The following CRISPLD2 variants were observed in gnomAD, a reference collection of about 807,000 sequenced individuals.
The protein encoded by CRISPLD2 is cysteine-rich secretory protein LCCL domain-containing 2.
CRISPLD2 carries 47 observed loss-of-function variants against 71.1 expected under a neutral mutation model. That is an observed-to-expected ratio of 0.66 (90% CI 0.52 to 0.84). The LOEUF (loss-of-function observed/expected upper bound fraction) is 0.84, where lower values mean the gene tolerates loss of function less well. Among genes scored for constraint, CRISPLD2 ranks in the 40% least tolerant of loss-of-function variants. The pLI, the probability that CRISPLD2 is intolerant of heterozygous loss-of-function variation, is 0.00. For missense variants in CRISPLD2, 830 were observed against 651.1 expected, an observed-to-expected ratio of 1.27 and a Z score of -2.99; for synonymous variants, 317 against 250.1, an observed-to-expected ratio of 1.27 and a Z score of -2.52.
At chr16:84,825,209 C>T (rs985057656) in intron 1 of CRISPLD2, among the ~76,000 whole-genome samples, 3 of 151,710 alleles carry the variant, frequency 2.0e-5, no homozygotes, top group African/African-American at 7.3e-5. Context: ...AATGCTGGAT[C>T]AAGGTCGGGG....
In CRISPLD2 at chr16:84,906,873, T is replaced by G. The variant is rs1874008; in HGVS notation, c.*231T>G. The G allele has an allele frequency of 6.6e-6, 4 of 607,608 alleles. No individual in the cohort carries two copies. Among genetic ancestry groups the G allele is most frequent in the African/African-American group, 1.8e-5 (1 of 54,134 alleles). The allele number at this position is 607,608 out of a possible 1,614,324, so 37.6% of individuals were successfully genotyped here. ...CCTGGTGCCTGATCCTGCTGGGGCCTGGGGGTCTCCATCTGGACGTCCTCT... is the reference window on the plus strand; with the variant it reads ...CCTGGTGCCTGATCCTGCTGGGGCCGGGGGGTCTCCATCTGGACGTCCTCT... On this transcript the variant is annotated 3_prime_UTR_variant, in exon 15 of 15. Coordinates refer to ENST00000262424, the MANE Select transcript of CRISPLD2 (RefSeq NM_031476.4).
chr16:84,908,302 G>C lies in CRISPLD2; in HGVS notation c.*1660G>C, dbSNP rs527730594. On this transcript the variant is annotated 3_prime_UTR_variant, in exon 15 of 15. Coordinates refer to ENST00000262424, the MANE Select transcript of CRISPLD2 (RefSeq NM_031476.4). ...GTGCTTTGTGCATTGTAGTCTAGTC[G>C]TAATTCATAGGTACTGACTCCTCAG... 6.6e-6 allele frequency: 1 copy of C among 152,192 alleles called. No individual in the cohort carries two copies. Among genetic ancestry groups the C allele is most frequent in the Non-Finnish European group, 1.5e-5 (1 of 68,028 alleles). The allele number at this position is 152,192 out of a possible 1,614,324, so 9.4% of individuals were successfully genotyped here. A position where few individuals can be genotyped will look rare whatever the true frequency, so the allele number is the denominator to read the frequency against.
chr16:84,860,690 A>C (rs1480757312), intron 6 of CRISPLD2, among the ~76,000 whole-genome samples: 8 of 152,174 alleles, frequency 5.3e-5, no homozygotes, highest in African/African-American at 1.9e-4. Context: ...CAGTGTCCCT[A>C]GCTTCAGCAG....
chr16:84,878,038 GTC>G (rs1297651343), intron 12 of CRISPLD2, among the ~76,000 whole-genome samples: 2 of 138,102 alleles, frequency 1.4e-5, no homozygotes, highest in African/African-American at 5.6e-5. Context: ...GTGAAACCCC[GTC>G]TCTACTAAAA....
At chr16:84,862,391 G>T (rs980084801) in intron 6 of CRISPLD2, among the ~76,000 whole-genome samples, 4 of 151,998 alleles carry the variant, frequency 2.6e-5, no homozygotes, top group African/African-American at 9.7e-5. Context: ...GTAGAGACGG[G>T]ATCTCACTAT....
At chr16:84,892,499 T>G (rs895397396) in intron 14 of CRISPLD2, among the ~76,000 whole-genome samples, 3 of 152,130 alleles carry the variant, frequency 2.0e-5, no homozygotes, top group African/African-American at 7.2e-5. Flanking sequence ...TAGAGGGATT[T>G]TCAGTGACCC....
intron 14 of CRISPLD2, among the ~76,000 whole-genome samples, chr16:84,896,169 C>G (rs1390399037): frequency 6.6e-6 from 1 of 151,826 alleles, no homozygotes; most frequent in Non-Finnish European, 1.5e-5. Flanking sequence ...TCCCAGGTAG[C>G]TGGGATTACA....
At chr16:84,863,608 C>A (rs1445268084) in intron 6 of CRISPLD2, among the ~76,000 whole-genome samples, 1 of 152,240 alleles carries the variant, frequency 6.6e-6, no homozygotes, top group East Asian at 1.9e-4. Flanking sequence ...CCTCTCTGAG[C>A]CTTCTTCCTC....
intron 6 of CRISPLD2, among the ~76,000 whole-genome samples, chr16:84,861,845 G>A (rs569597148): frequency 6.0e-4 from 91 of 152,256 alleles, no homozygotes; most frequent in African/African-American, 2.1e-3. Context: ...TGGGAAGATC[G>A]CTTGAGTCCA....
chr16:84,823,230 A>C (rs1916271576), intron 1 of CRISPLD2, among the ~76,000 whole-genome samples: 1 of 152,216 alleles, frequency 6.6e-6, no homozygotes, highest in African/African-American at 2.4e-5. Flanking sequence ...CATTGCATTA[A>C]TAGACCACGT....
chr16:84,830,214 TG>T (rs963257078), intron 1 of CRISPLD2, among the ~76,000 whole-genome samples: 4 of 152,032 alleles, frequency 2.6e-5, no homozygotes, highest in Admixed American at 6.6e-5. Context: ...CCCAGCAACT[TG>T]GGAGGCTGAG....
At chr16:84,886,029 C>T (rs1685945110) in intron 13 of CRISPLD2, among the ~76,000 whole-genome samples, 1 of 151,956 alleles carries the variant, frequency 6.6e-6, no homozygotes, top group Admixed American at 6.6e-5. Flanking sequence ...CTATGTTGCC[C>T]AGGCTCATCT....
At chr16:84,877,382 G>A in intron 11 of CRISPLD2, 56 bp from the exon 12 acceptor site, 1 of 1,527,230 alleles carries the variant, frequency 6.5e-7, no homozygotes, top group Admixed American at 1.7e-5. Context: ...CAGCCTGGTA[G>A]CCTGAGGCCC....
chr16:84,842,975 C>G (rs1378349014), intron 2 of CRISPLD2, among the ~76,000 whole-genome samples: 1 of 152,188 alleles, frequency 6.6e-6, no homozygotes, highest in Non-Finnish European at 1.5e-5. Flanking sequence ...CTTCTTGTCC[C>G]TGCACTGTGT....
chr16:84,862,080 C>A (rs1917399092), intron 6 of CRISPLD2, among the ~76,000 whole-genome samples: 1 of 152,178 alleles, frequency 6.6e-6, no homozygotes, highest in African/African-American at 2.4e-5. Context: ...TGTGTCCTTG[C>A]CCCCATTGGC....
At chr16:84,854,873 A>G (rs774135561) in intron 6 of CRISPLD2, 44 bp downstream of exon 6, 2 of 1,440,400 alleles carry the variant, frequency 1.4e-6, no homozygotes, top group Middle Eastern at 1.7e-4. Context: ...ATTTGCCCTC[A>G]GTCTGAGTCA....
chr16:84,870,637 G>A (rs112772089), intron 8 of CRISPLD2, among the ~76,000 whole-genome samples: 5 of 152,258 alleles, frequency 3.3e-5, no homozygotes, highest in African/African-American at 1.2e-4. Flanking sequence ...TTTTCACTTA[G>A]TATTTTCCAA....
intron 10 of CRISPLD2, among the ~76,000 whole-genome samples, chr16:84,873,671 T>G (rs773512395): frequency 6.6e-6 from 1 of 152,134 alleles, no homozygotes; most frequent in Non-Finnish European, 1.5e-5. Context: ...TCTTATACAT[T>G]TGAAAACCAT....
chr16:84,889,108 A>C (rs2071638284), intron 13 of CRISPLD2, 122 bp from the exon 14 acceptor site: 4 of 1,187,264 alleles, frequency 3.4e-6, no homozygotes, highest in African/African-American at 1.5e-5. Context: ...TTATTTCCTA[A>C]GGGTTGATGG....
Sources: allele counts gnomAD v4.1 joint callset (sites outside exome capture counted in the v4.1 genomes callset), GRCh38; gene constraint gnomAD v4.1.1; transcripts MANE v1.5; gene names NCBI Gene and HGNC (gene_info 2026-07-23, HGNC 2026-07-21).